RBL1: variants seen among roughly 807,000 people sequenced by gnomAD.
The protein encoded by RBL1 is RB transcriptional corepressor like 1, also known as retinoblastoma-like protein 1.
RBL1 carries 82 observed loss-of-function variants against 123.0 expected under a neutral mutation model. The ratio of observed to expected loss-of-function variants is 0.67; its 90% CI spans 0.56 to 0.80. RBL1 has a LOEUF of 0.80. RBL1 is among the 30% of genes least tolerant of loss of function. The probability of loss-of-function intolerance (pLI) is 0.00; values close to 1 mark genes in which losing one functional copy is unlikely to be tolerated. For missense variants in RBL1, 1,171 were observed against 1,299.6 expected (o/e 0.90, Z 1.52); for synonymous variants, 405 against 441.3 (o/e 0.92, Z 1.03).
At chr20:37,012,930 C>T (rs577573283) in intron 19 of RBL1, among the ~76,000 whole-genome samples, 13 of 148,686 alleles carry the variant, frequency 8.7e-5, no homozygotes, top group Middle Eastern at 3.6e-3. Context: ...GTTCAGCCCC[C>T]CCGCCAGCCA....
intron 20 of RBL1, among the ~76,000 whole-genome samples, chr20:37,005,816 C>T (rs769681596): frequency 6.7e-6 from 1 of 149,212 alleles, no homozygotes; most frequent in Non-Finnish European, 1.5e-5. Flanking sequence ...TACAGAGGCA[C>T]ATAGATACAT....
intron 19 of RBL1, among the ~76,000 whole-genome samples, chr20:37,017,888 G>A (rs1158282992): frequency 2.6e-5 from 4 of 151,988 alleles, no homozygotes; most frequent in Non-Finnish European, 4.4e-5. Context: ...ACCCGCCTTG[G>A]CCTCCCAAAG....
chr20:37,016,759 T>G (rs1208822585), intron 19 of RBL1, among the ~76,000 whole-genome samples: 5 of 151,678 alleles, frequency 3.3e-5, no homozygotes, highest in Admixed American at 6.6e-5. Context: ...AAATCCCACC[T>G]CTACAAAAAA....
intron 1 of RBL1, among the ~76,000 whole-genome samples, chr20:37,091,881 C>G (rs1252160380): frequency 6.6e-6 from 1 of 152,116 alleles, no homozygotes; most frequent in Non-Finnish European, 1.5e-5. Flanking sequence ...GAAGTCTTTT[C>G]TCAAAGCACT....
chr20:37,046,875 A>G (rs1180691969), intron 12 of RBL1, among the ~76,000 whole-genome samples, 178 bp downstream of exon 12: 1 of 152,038 alleles, frequency 6.6e-6, no homozygotes, highest in Non-Finnish European at 1.5e-5. Flanking sequence ...GGCCTTTCAA[A>G]GTGCTGGGAT....
chr20:36,998,712 C>T lies in RBL1; in HGVS notation c.*47G>A, dbSNP rs1360300223. 2 of 1,528,132 alleles carry T rather than the reference C, an allele frequency of 1.3e-6. No homozygotes were observed. Among genetic ancestry groups the T allele is most frequent in the Non-Finnish European group, 1.8e-6 (2 of 1,121,112 alleles). 94.7% of individuals were successfully genotyped at this position (1,528,132 alleles called of 1,614,324 possible). A position where few individuals can be genotyped will look rare whatever the true frequency, so the allele number is the denominator to read the frequency against. On this transcript the variant is annotated 3_prime_UTR_variant, in exon 22 of 22. Coordinates refer to ENST00000373664, the MANE Select transcript of RBL1 (RefSeq NM_002895.5). Reference sequence around the variant, plus strand: ...GTTTGAAGGACAGAGCTCCAACTTTCTGCAGAACAATCTGAAAGTGCTTTT... The same window carrying T: ...GTTTGAAGGACAGAGCTCCAACTTTTTGCAGAACAATCTGAAAGTGCTTTT...
intron 19 of RBL1, among the ~76,000 whole-genome samples, chr20:37,009,150 G>C (rs961320284): frequency 3.3e-5 from 5 of 151,958 alleles, no homozygotes; most frequent in Non-Finnish European, 7.4e-5. Flanking sequence ...TCAGCCTCCT[G>C]GGTAGCTGGG....
rs781441177 is a variant in RBL1, at chr20:37,044,162, C to G, written c.1694G>C (p.Ser565Thr). The G allele has an allele frequency of 1.4e-5, 23 of 1,611,248 alleles. No individual in the cohort carries two copies. The highest frequency in any genetic ancestry group is 1.9e-5 in the Non-Finnish European group (22 of 1,178,786). The change falls in exon 13 of 22, where the codon AGT (serine) becomes ACT (threonine). Residue 565 changes from serine (S) to threonine (T), a missense_variant. Coordinates refer to ENST00000373664, the MANE Select transcript of RBL1 (RefSeq NM_002895.5). ...LNSIEEQILESLAWSHDSALW... is the reference protein window; with the variant it reads ...LNSIEEQILETLAWSHDSALW... ...TGCAGAATCGTGACTCCATGCTAAA[C>G]TCTCCAAAATCTGTTCTTCAATGCT...
At chr20:37,060,018 C>G (rs950258797) in intron 9 of RBL1, among the ~76,000 whole-genome samples, 3 of 151,644 alleles carry the variant, frequency 2.0e-5, no homozygotes, top group Non-Finnish European at 2.9e-5. Flanking sequence ...ACTAAAAATA[C>G]AAAATTAGCT....
Position 37,034,284 on chromosome 20 carries a change from C to T in RBL1, c.2170+958G>A, listed in dbSNP as rs534174978. ...AAGAATATTCGGTTTTGTTTTTATA[C>T]TTTAAATTTATGGAAAAAAAAGCAA... On this transcript the variant is annotated intron_variant, in intron 15 of 21. Transcript: ENST00000373664. Among the ~76,000 whole-genome samples, 6 of 151,854 alleles carry T rather than the reference C, an allele frequency of 4.0e-5. No homozygotes were observed. In the South Asian group the frequency reaches 1.2e-3, roughly 32 times the overall value.
chr20:37,081,700 A>G (rs1441755239), intron 2 of RBL1, among the ~76,000 whole-genome samples: 1 of 152,162 alleles, frequency 6.6e-6, no homozygotes, highest in Non-Finnish European at 1.5e-5. Flanking sequence ...AATGTTTTAA[A>G]GCAGTCTGGT....
chr20:37,070,481 T>A (rs1333100668), intron 2 of RBL1, among the ~76,000 whole-genome samples: 1 of 148,858 alleles, frequency 6.7e-6, no homozygotes, highest in African/African-American at 2.5e-5. Flanking sequence ...AATAAATAAA[T>A]TTAAAAAAAA....
chr20:36,999,115 TA>T (rs2063922591), intron 21 of RBL1, among the ~76,000 whole-genome samples, 186 bp from the exon 22 acceptor site: 1 of 152,136 alleles, frequency 6.6e-6, no homozygotes, highest in Non-Finnish European at 1.5e-5. Context: ...TCAGGTGGTT[TA>T]AAAATTAGAT....
intron 16 of RBL1, among the ~76,000 whole-genome samples, chr20:37,028,483 C>G (rs1172885873): frequency 6.6e-6 from 1 of 152,088 alleles, no homozygotes; most frequent in Non-Finnish European, 1.5e-5. Flanking sequence ...GTGCCATGAT[C>G]ATGCCACTGC....
rs775880990 is a variant in RBL1 at position 37,035,517 on chromosome 20, A to T, written c.1904-9T>A. 48 of 1,536,218 alleles carry T rather than the reference A, an allele frequency of 3.1e-5. No homozygotes were observed. Among genetic ancestry groups the T allele is most frequent in the East Asian group, 1.4e-4 (6 of 42,552 alleles). ...AGACAATGGTTGCATATCTAAAAAA[A>T]AATAATAAATTTAAAACAGAAATGT... On this transcript the variant is annotated splice_polypyrimidine_tract_variant and intron_variant, in intron 14 of 21. Coordinates refer to ENST00000373664, the MANE Select transcript of RBL1 (RefSeq NM_002895.5).
At chr20:37,086,672 A>G (rs1327225193) in intron 2 of RBL1, among the ~76,000 whole-genome samples, 2 of 152,204 alleles carry the variant, frequency 1.3e-5, no homozygotes, top group Admixed American at 1.3e-4. Context: ...AATGACCACA[A>G]ATAGTTTTGT....
rs1168742059 is a variant in RBL1, at chr20:37,067,766, CAA to C, written c.491+218_491+219del. 6.6e-3 allele frequency among the ~76,000 whole-genome samples: 411 copies of C among 62,598 alleles called. 1 individual carries two copies. The highest frequency in any genetic ancestry group is 0.02 in the African/African-American group (367 of 18,658). 41.1% of individuals were successfully genotyped at this position (62,598 alleles called of 152,430 possible). A position where few individuals can be genotyped will look rare whatever the true frequency, so the allele number is the denominator to read the frequency against. ...GCCTGGGCAACAGAATGAGACTCCT[CAA>C]AAAAAAAAAAAAAAAAAAAAAAACA... On this transcript the variant is annotated intron_variant, in intron 3 of 21. Transcript: ENST00000373664.
chr20:37,067,275 C>T lies in RBL1; in HGVS notation c.514G>A (p.Asp172Asn), dbSNP rs147787006. The stretch of plus-strand genomic sequence containing the variant: ...AGTGTCCAACAGAAATTAAACAGAT[C>T]CTTAACACTGCAAGGAATCCTCCTA... ...KQRRIPCSVK[D>N]LFNFCWTLFV... is the part of the protein sequence containing the mutation. The change falls in exon 4 of 22, where the codon GAT becomes AAT. Residue 172 changes from aspartate (D) to asparagine (N), a missense_variant. Coordinates refer to ENST00000373664, the MANE Select transcript of RBL1 (RefSeq NM_002895.5). 576 of 1,605,260 alleles carry T rather than the reference C, an allele frequency of 3.6e-4. 1 individual carries two copies. The highest frequency in any genetic ancestry group is 4.1e-4 in the Non-Finnish European group (477 of 1,177,616).
intron 19 of RBL1, among the ~76,000 whole-genome samples, chr20:37,012,681 C>T (rs1302041848): frequency 6.6e-6 from 1 of 151,410 alleles, no homozygotes; most frequent in African/African-American, 2.4e-5. Flanking sequence ...CCACCCCGTC[C>T]GGGAGGGAGG....
Sources: gnomAD v4.1 joint callset for allele counts (sites outside exome capture counted in the v4.1 genomes callset) on GRCh38, gnomAD v4.1.1 for gene constraint, MANE v1.5 for transcripts, NCBI Gene and HGNC (gene_info 2026-07-23, HGNC 2026-07-21) for gene names.